The following RAI14 variants were observed in gnomAD, a reference collection of about 807,000 sequenced individuals.
RAI14 encodes the protein retinoic acid induced 14, also known as ankycorbin.
In RAI14, 45 loss-of-function variants were observed where a neutral mutation model predicts 115.4. That is an observed-to-expected ratio of 0.39 (90% CI 0.31 to 0.50). RAI14 has a LOEUF of 0.50. Among genes scored for constraint, RAI14 ranks in the 20% least tolerant of loss-of-function variants. RAI14 has a pLI of 0.85. For synonymous variants in RAI14, 371 were observed against 415.4 expected, an observed-to-expected ratio of 0.89 and a Z score of 1.30; for missense variants, 939 against 1,131.2, an observed-to-expected ratio of 0.83 and a Z score of 2.44.
chr5:34,673,643 A>G (rs553960656), intron 1 of RAI14, among the ~76,000 whole-genome samples: 1 of 152,218 alleles, frequency 6.6e-6, no homozygotes, highest in African/African-American at 2.4e-5. Flanking sequence ...GAAATAGCTT[A>G]GGCTAGAAGG....
intron 3 of RAI14, among the ~76,000 whole-genome samples, chr5:34,787,107 G>A (rs544016127): frequency 3.3e-5 from 5 of 152,246 alleles, no homozygotes; most frequent in South Asian, 2.1e-4. Context: ...CCCTCATTCC[G>A]GTAAAACCAC....
intron 2 of RAI14, among the ~76,000 whole-genome samples, chr5:34,698,143 CT>C (rs1739541763): frequency 1.9e-5 from 1 of 53,196 alleles, no homozygotes; most frequent in Non-Finnish European, 3.6e-5. Flanking sequence ...CCCCCCTCCC[CT>C]CTCTGCCTCC....
chr5:34,674,802 T>C (rs1743862666), intron 1 of RAI14, among the ~76,000 whole-genome samples: 1 of 152,146 alleles, frequency 6.6e-6, no homozygotes, highest in East Asian at 1.9e-4. Flanking sequence ...TTGACCAGGC[T>C]GGTCTTGAAC....
intron 13 of RAI14, among the ~76,000 whole-genome samples, chr5:34,820,167 T>A (rs191816635): frequency 1.1e-4 from 17 of 152,346 alleles, no homozygotes; most frequent in Admixed American, 6.5e-4. Context: ...TCCTTCCAAG[T>A]TAAGATTAAA....
At chr5:34,727,300 A>G (rs1334846703) in intron 2 of RAI14, among the ~76,000 whole-genome samples, 1 of 152,182 alleles carries the variant, frequency 6.6e-6, no homozygotes, top group Non-Finnish European at 1.5e-5. Flanking sequence ...GGTGGAAGAA[A>G]TTTCTAAGCG....
At position 34,796,008 on chromosome 5, in the gene RAI14, G is replaced by A. The variant is rs1414473831; in HGVS notation, c.237G>A (p.Val79=). Residue 79 remains valine, a synonymous_variant, in exon 4 of 18, where the codon GTG becomes GTA. Transcript: ENST00000265109. ...LRVMITHGVD[V]TAQDTTGHSA... Reference sequence around the variant, plus strand: ...TCATGATTACACATGGTGTGGATGTGACAGCCCAAGATACTACCGGTATGT... The same window carrying A: ...TCATGATTACACATGGTGTGGATGTAACAGCCCAAGATACTACCGGTATGT... 5 of 1,611,956 alleles carry A rather than the reference G, an allele frequency of 3.1e-6. No homozygotes were observed. The highest frequency in any genetic ancestry group is 4.2e-6 in the Non-Finnish European group (5 of 1,178,396).
chr5:34,727,157 G>A (rs1743571323), intron 2 of RAI14, among the ~76,000 whole-genome samples: 1 of 152,200 alleles, frequency 6.6e-6, no homozygotes, highest in Admixed American at 6.5e-5. Flanking sequence ...GTGTCAGATG[G>A]ATTTGAGGAG....
chr5:34,832,356 AG>A lies in RAI14; in HGVS notation c.*1593del, dbSNP rs1409021883. 6.5e-6 allele frequency: 1 copy of A among 152,684 alleles called. No individual in the cohort carries two copies. The highest frequency in any genetic ancestry group is 1.5e-5 in the Non-Finnish European group (1 of 68,042). The allele number at this position is 152,684 out of a possible 1,614,324, so 9.5% of individuals were successfully genotyped here. A position where few individuals can be genotyped will look rare whatever the true frequency, so the allele number is the denominator to read the frequency against. ...CAAAAATGCTCCAAAGAAATGTGAA[AG>A]GACCTTTTGTCACAGCACTTCAGAA... On this transcript the variant is annotated 3_prime_UTR_variant, in exon 18 of 18. Coordinates refer to ENST00000265109, the MANE Select transcript of RAI14 (RefSeq NM_015577.3).
intron 7 of RAI14, 147 bp downstream of exon 7, chr5:34,808,801 T>C (rs1447133429): frequency 6.9e-6 from 5 of 726,154 alleles, no homozygotes; most frequent in South Asian, 1.8e-5. Context: ...AATTTTTCCA[T>C]GGATGGGGGT....
At chr5:34,721,944 G>A (rs1457252457) in intron 2 of RAI14, among the ~76,000 whole-genome samples, 1 of 152,030 alleles carries the variant, frequency 6.6e-6, no homozygotes, top group African/African-American at 2.4e-5. Flanking sequence ...CCTGACCTCA[G>A]GTAATCCACC....
intron 14 of RAI14, among the ~76,000 whole-genome samples, chr5:34,822,250 G>GTGTATATA (rs1554012472): frequency 1.0e-4 from 14 of 134,732 alleles, no homozygotes; most frequent in South Asian, 4.7e-4. Context: ...ATGTGTGTAT[G>GTGTATATA]TATATATATA....
At chr5:34,779,699 A>G (rs1409276299) in intron 3 of RAI14, among the ~76,000 whole-genome samples, 4 of 152,198 alleles carry the variant, frequency 2.6e-5, no homozygotes, top group Non-Finnish European at 5.9e-5. Context: ...ATTACAAACC[A>G]CTACTCAACG....
At chr5:34,766,545 G>A (rs1476169103) in intron 3 of RAI14, among the ~76,000 whole-genome samples, 1 of 152,192 alleles carries the variant, frequency 6.6e-6, no homozygotes, top group Non-Finnish European at 1.5e-5. Context: ...TGGAATGGGT[G>A]TAATTGCCCA....
At chr5:34,718,766 A>G (rs1448609018) in intron 2 of RAI14, among the ~76,000 whole-genome samples, 1 of 152,216 alleles carries the variant, frequency 6.6e-6, no homozygotes. Flanking sequence ...CGTCTTTAAA[A>G]TGGAGATCAG....
At chr5:34,786,538 C>T (rs1448363187) in intron 3 of RAI14, among the ~76,000 whole-genome samples, 6 of 152,210 alleles carry the variant, frequency 3.9e-5, no homozygotes, top group African/African-American at 1.4e-4. Flanking sequence ...CCTCCTTCCT[C>T]ATCATTTGTG....
At chr5:34,797,626 G>A (rs1056538390) in intron 4 of RAI14, among the ~76,000 whole-genome samples, 34 of 151,450 alleles carry the variant, frequency 2.2e-4, no homozygotes, top group African/African-American at 8.3e-4. Context: ...CACCAATATA[G>A]GGGGATAAAT....
At chr5:34,819,460 C>G (rs1756607970) in intron 13 of RAI14, among the ~76,000 whole-genome samples, 1 of 152,166 alleles carries the variant, frequency 6.6e-6, no homozygotes, top group African/African-American at 2.4e-5. Flanking sequence ...TGACTGTCCC[C>G]ATCTAACTTT....
chr5:34,757,968 C>T (rs1748116320), intron 3 of RAI14: 1 of 163,556 alleles, frequency 6.1e-6, no homozygotes, highest in Non-Finnish European at 1.3e-5. Context: ...TTTATTTGAT[C>T]TTCCTTAACA....
At chr5:34,677,806 T>C (rs1192806417) in intron 1 of RAI14, among the ~76,000 whole-genome samples, 1 of 152,198 alleles carries the variant, frequency 6.6e-6, no homozygotes, top group East Asian at 1.9e-4. Flanking sequence ...TGCTAAATAC[T>C]CTTAATTCAG....
Sources: allele counts gnomAD v4.1 joint callset (sites outside exome capture counted in the v4.1 genomes callset), GRCh38; gene constraint gnomAD v4.1.1; transcripts MANE v1.5; gene names NCBI Gene and HGNC (gene_info 2026-07-23, HGNC 2026-07-21).